The following RCAN2 variants were observed in gnomAD, a reference collection of about 807,000 sequenced individuals.
RCAN2 encodes the protein calcipressin-2.
A neutral mutation model predicts 23.6 loss-of-function variants in RCAN2; 9 were observed. The observed-to-expected ratio is 0.38, with a 90% CI of 0.23 to 0.67. RCAN2 has a LOEUF of 0.67. Among genes scored for constraint, RCAN2 ranks in the 30% least tolerant of loss-of-function variants. The pLI is 0.51. For synonymous variants in RCAN2, 109 were observed against 115.7 expected (o/e 0.94, Z 0.37); for missense variants, 273 against 302.3 (o/e 0.90, Z 0.72).
chr6:46,352,684 T>C (rs1764701120), intron 2 of RCAN2, among the ~76,000 whole-genome samples: 1 of 152,130 alleles, frequency 6.6e-6, no homozygotes, highest in South Asian at 2.1e-4. Flanking sequence ...CTAAGTAAAA[T>C]TCCCCTGGGA....
rs563195539 is a variant in RCAN2, at chr6:46,446,775, AT to A, written c.225+9976del. On this transcript the variant is annotated intron_variant, in intron 2 of 4. Transcript: ENST00000371374. The stretch of plus-strand genomic sequence containing the variant: ...AATTGTCAGCATAAAAAAGTCTATT[AT>A]AACTATAAGATATTTTATGTAAGCC... Among the ~76,000 whole-genome samples, 361 of 152,320 alleles carry A rather than the reference AT, an allele frequency of 2.4e-3. 2 individuals carry two copies. Among genetic ancestry groups the A allele is most frequent in the African/African-American group, 8.2e-3 (341 of 41,582 alleles).
In RCAN2 at chr6:46,236,742, G is replaced by A. The variant is rs75984597; in HGVS notation, c.571+10006C>T. Among the ~76,000 whole-genome samples the A allele has an allele frequency of 9.7e-3, 1,474 of 152,242 alleles. 9 individuals carry two copies. The highest frequency in any genetic ancestry group is 0.018 in the South Asian group (88 of 4,820). Reference sequence around the variant, plus strand: ...GTAAGTTTTAGCTTTTCAACTAAGTGGAAAACCATTTAAAGGCAAGCATCT... The same window carrying A: ...GTAAGTTTTAGCTTTTCAACTAAGTAGAAAACCATTTAAAGGCAAGCATCT... On this transcript the variant is annotated intron_variant, in intron 4 of 4. Transcript: ENST00000371374.
intron 2 of RCAN2, among the ~76,000 whole-genome samples, chr6:46,410,949 A>T (rs1766534109): frequency 6.6e-6 from 1 of 152,176 alleles, no homozygotes; most frequent in African/African-American, 2.4e-5. Context: ...CAGGCTTGGG[A>T]GGGAGGCAGG....
chr6:46,382,628 AGCGCTCC>A (rs1195287301), intron 2 of RCAN2, among the ~76,000 whole-genome samples: 1 of 152,212 alleles, frequency 6.6e-6, no homozygotes, highest in Admixed American at 6.5e-5. Context: ...TAATAATAAA[AGCGCTCC>A]AATGCATAAT....
In RCAN2 at chr6:46,251,380, T is replaced by C. The variant is rs537030667; in HGVS notation, c.226-2484A>G. Among the ~76,000 whole-genome samples the C allele has an allele frequency of 2.1e-3, 320 of 152,326 alleles. 1 individual carries two copies. The highest frequency in any genetic ancestry group is 4.0e-3 in the Non-Finnish European group (272 of 68,016). ...AAGTCACAGCTGGTAGTTTGATTAG[T>C]TTGGGAAGTTTTCAGGAATAGGAGA... On this transcript the variant is annotated intron_variant, in intron 2 of 4. Transcript: ENST00000371374.
chr6:46,285,908 C>T (rs1762360244), intron 2 of RCAN2, among the ~76,000 whole-genome samples: 2 of 152,016 alleles, frequency 1.3e-5, no homozygotes, highest in Non-Finnish European at 2.9e-5. Flanking sequence ...GGTAAGGAGC[C>T]CATTCTTTGG....
intron 2 of RCAN2, among the ~76,000 whole-genome samples, chr6:46,327,888 T>C (rs566677857): frequency 6.6e-6 from 1 of 152,334 alleles, no homozygotes; most frequent in South Asian, 2.1e-4. Context: ...TTCCAGCACA[T>C]CACTGTTTCA....
Position 46,221,063 on chromosome 6 carries a change from T to TAAG in RCAN2, c.*2075_*2077dup, listed in dbSNP as rs1239832185. On this transcript the variant is annotated 3_prime_UTR_variant, in exon 5 of 5. Coordinates refer to ENST00000371374, the MANE Select transcript of RCAN2 (RefSeq NM_001251974.2). ...ACAGGTTAACATTGACACAGAGCAA[T>TAAG]AAGTTTTACTAAGACTAACTCCAGA... 6.6e-6 allele frequency: 1 copy of TAAG among 152,330 alleles called. No homozygotes were observed. Among genetic ancestry groups the TAAG allele is most frequent in the African/African-American group, 2.4e-5 (1 of 41,316 alleles). The allele number at this position is 152,330 out of a possible 1,614,324, so 9.4% of individuals were successfully genotyped here.
At chr6:46,360,488 C>A (rs1218945237) in intron 2 of RCAN2, among the ~76,000 whole-genome samples, 1 of 127,404 alleles carries the variant, frequency 7.8e-6, no homozygotes, top group East Asian at 2.6e-4. Flanking sequence ...CAGCCGAGAT[C>A]GTGCCACTAC....
At position 46,470,614 on chromosome 6, in the gene RCAN2, T is replaced by A. The variant is rs138646091; in HGVS notation, c.-2-13636A>T. ...CACTAAATAAATCAAGCCAGTTTTCTATGTACCCTCTCTCTACCAGTTCAC... is the reference window on the plus strand; with the variant it reads ...CACTAAATAAATCAAGCCAGTTTTCAATGTACCCTCTCTCTACCAGTTCAC... On this transcript the variant is annotated intron_variant, in intron 1 of 4. Coordinates refer to ENST00000371374, the MANE Select transcript of RCAN2 (RefSeq NM_001251974.2). Among the ~76,000 whole-genome samples the A allele has an allele frequency of 3.0e-4, 45 of 152,376 alleles. 1 individual carries two copies. The East Asian group carries it at 6.0e-3, about 20-fold the overall frequency.
intron 2 of RCAN2, among the ~76,000 whole-genome samples, chr6:46,312,238 A>G (rs779468893): frequency 2.0e-5 from 3 of 152,204 alleles, no homozygotes; most frequent in Non-Finnish European, 4.4e-5. Flanking sequence ...AGCGTGGTAT[A>G]TGGTCAACTT....
intron 2 of RCAN2, among the ~76,000 whole-genome samples, chr6:46,285,808 G>A (rs1024415893): frequency 2.0e-5 from 3 of 152,152 alleles, no homozygotes; most frequent in Non-Finnish European, 4.4e-5. Flanking sequence ...TGTAGGATGT[G>A]CAGATTTGTT....
At chr6:46,365,487 A>AGAAAC (rs1298698969) in intron 2 of RCAN2, among the ~76,000 whole-genome samples, 2 of 144,120 alleles carry the variant, frequency 1.4e-5, no homozygotes, top group African/African-American at 5.8e-5. Flanking sequence ...AAAAAAGAAA[A>AGAAAC]GAAAAGAAAA....
intron 2 of RCAN2, among the ~76,000 whole-genome samples, chr6:46,423,594 T>A (rs186068534): frequency 3.5e-4 from 53 of 152,366 alleles, no homozygotes; most frequent in Non-Finnish European, 5.9e-4. Flanking sequence ...AGACATTTTT[T>A]AAATCTACTT....
chr6:46,418,855 C>T (rs1243563968), intron 2 of RCAN2, among the ~76,000 whole-genome samples: 6 of 151,258 alleles, frequency 4.0e-5, no homozygotes, highest in African/African-American at 1.2e-4. Flanking sequence ...TTTGGGAAGC[C>T]GAGGTGGGCA....
intron 2 of RCAN2, among the ~76,000 whole-genome samples, chr6:46,400,714 T>C (rs927696161): frequency 6.6e-6 from 1 of 152,140 alleles, no homozygotes; most frequent in African/African-American, 2.4e-5. Context: ...TTTCCCCACC[T>C]TGCCATGGTG....
intron 2 of RCAN2, among the ~76,000 whole-genome samples, chr6:46,442,960 C>T (rs1767596046): frequency 6.6e-6 from 1 of 152,174 alleles, no homozygotes; most frequent in Admixed American, 6.5e-5. Flanking sequence ...CTGGGCCTCT[C>T]ATCTGGCAGG....
At chr6:46,239,532 T>C (rs1346832479) in intron 4 of RCAN2, among the ~76,000 whole-genome samples, 1 of 152,214 alleles carries the variant, frequency 6.6e-6, no homozygotes, top group Non-Finnish European at 1.5e-5. Context: ...GGCTGTAAAC[T>C]GACATTCTGC....
intron 2 of RCAN2, among the ~76,000 whole-genome samples, chr6:46,270,971 G>C (rs1321870279): frequency 6.6e-6 from 1 of 152,170 alleles, no homozygotes; most frequent in Non-Finnish European, 1.5e-5. Context: ...ATCCTTGTGA[G>C]AGTCCCTGAG....
Sources: allele counts gnomAD v4.1 joint callset (sites outside exome capture counted in the v4.1 genomes callset), GRCh38; gene constraint gnomAD v4.1.1; transcripts MANE v1.5; gene names NCBI Gene and HGNC (gene_info 2026-07-23, HGNC 2026-07-21).